OR51A2: variants seen among roughly 807,000 people sequenced by gnomAD.
OR51A2 encodes olfactory receptor family 51 subfamily A member 2.
For synonymous variants in OR51A2, 55 were observed against 139.1 expected (o/e 0.40, Z 4.25); for missense variants, 111 against 365.9 (o/e 0.30, Z 5.68).
rs372608868 is a variant in OR51A2, at chr11:4,954,971, G to A, written c.743C>T (p.Ala248Val). Reference protein sequence around the residue: ...ALNTCVSHICAVIIFYLPIIN... With the variant: ...ALNTCVSHICVVIIFYLPIIN... ...GATGGGCAGGTAGAAGATGATCACTGCACAGATGTGTGAAACACAAGTATT... is the reference window on the plus strand; with the variant it reads ...GATGGGCAGGTAGAAGATGATCACTACACAGATGTGTGAAACACAAGTATT... Residue 248 changes from alanine (A) to valine (V), a missense_variant, in exon 1 of 1, where the codon GCA becomes GTA. Coordinates refer to ENST00000380371, the MANE Select transcript of OR51A2 (RefSeq NM_001004748.1). 2.0e-4 allele frequency: 273 copies of A among 1,350,288 alleles called. 9 individuals carry two copies. Among genetic ancestry groups the A allele is most frequent in the Non-Finnish European group, 2.7e-4 (259 of 975,722 alleles). 83.6% of individuals were successfully genotyped at this position (1,350,288 alleles called of 1,614,324 possible).
In OR51A2 at chr11:4,955,304, A is replaced by G; in HGVS notation, c.410T>C (p.Ile137Thr). The stretch of plus-strand genomic sequence containing the variant: ...TTGGGCAACTCTGACAGTTGTCAGG[A>G]TTGAGGTGTATCTCAGAGGATTGTG... ...AIHNPLRYTSILTTVRVAQIG... is the reference protein window; with the variant it reads ...AIHNPLRYTSTLTTVRVAQIG... The change falls in exon 1 of 1, where the codon ATC (isoleucine) becomes ACC (threonine). Residue 137 changes from isoleucine to threonine, a missense_variant. Physicochemically the swap from Ile to Thr is moderately conservative, Grantham distance 89. Coordinates refer to ENST00000380371, the MANE Select transcript of OR51A2 (RefSeq NM_001004748.1). 1.7e-6 allele frequency: 2 copies of G among 1,186,424 alleles called. 1 individual carries two copies. Among genetic ancestry groups the G allele is most frequent in the Non-Finnish European group, 2.4e-6 (2 of 838,116 alleles). 73.5% of individuals were successfully genotyped at this position (1,186,424 alleles called of 1,614,324 possible).
chr11:4,955,669 G>T lies in OR51A2; in HGVS notation c.45C>A (p.Phe15Leu), dbSNP rs143598087. The stretch of plus-strand genomic sequence containing the variant: ...ATTCTAGCCCTGGCATCCCAACCAA[G>T]AAGAAGGTGGTGATTTCAACATATG... ...NTSYVEITTFFLVGMPGLEYA... is the reference protein window; with the variant it reads ...NTSYVEITTFLLVGMPGLEYA... Residue 15 changes from phenylalanine to leucine, a missense_variant, in exon 1 of 1, where the codon TTC becomes TTA. Coordinates refer to ENST00000380371, the MANE Select transcript of OR51A2 (RefSeq NM_001004748.1). The T allele has an allele frequency of 6.5e-7, 1 of 1,530,962 alleles. No individual in the cohort carries two copies. Among genetic ancestry groups the T allele is most frequent in the Admixed American group, 1.9e-5 (1 of 53,064 alleles). 94.8% of individuals were successfully genotyped at this position (1,530,962 alleles called of 1,614,324 possible).
In OR51A2 at chr11:4,955,503, A is replaced by G. The variant is rs1403048958; in HGVS notation, c.211T>C (p.Ser71Pro). 1 of 1,307,438 alleles carries G rather than the reference A, an allele frequency of 7.6e-7. No individual in the cohort carries two copies. The highest frequency in any genetic ancestry group is 2.0e-5 in the Admixed American group (1 of 49,024). 81.0% of individuals were successfully genotyped at this position (1,307,438 alleles called of 1,614,324 possible). A position where few individuals can be genotyped will look rare whatever the true frequency, so the allele number is the denominator to read the frequency against. ...GATGATAAAGACAAACCCAAGTCTGACATAGCCAACATGGAAAGAAAATAG... is the reference window on the plus strand; with the variant it reads ...GATGATAAAGACAAACCCAAGTCTGGCATAGCCAACATGGAAAGAAAATAG... Reference protein sequence around the residue: ...MYYFLSMLAMSDLGLSLSSLP... With the variant: ...MYYFLSMLAMPDLGLSLSSLP... Residue 71 changes from serine (S) to proline (P), a missense_variant, in exon 1 of 1, where the codon TCA becomes CCA. Transcript: ENST00000380371.
At position 4,955,418 on chromosome 11, in the gene OR51A2, C is replaced by G. The variant is rs778652654; in HGVS notation, c.296G>C (p.Cys99Ser). 60 of 1,178,232 alleles carry G rather than the reference C, an allele frequency of 5.1e-5. 18 individuals are homozygous for G. In the South Asian group the frequency reaches 7.4e-4, roughly 15 times the overall value. The allele number at this position is 1,178,232 out of a possible 1,614,324, so 73.0% of individuals were successfully genotyped here. A position where few individuals can be genotyped will look rare whatever the true frequency, so the allele number is the denominator to read the frequency against. The change falls in exon 1 of 1, where the codon TGC (cysteine) becomes TCC (serine). Residue 99 changes from cysteine to serine, a missense_variant. Coordinates refer to ENST00000380371, the MANE Select transcript of OR51A2 (RefSeq NM_001004748.1). ...ATGAATGAAGAATTCCTGGGCAAAG[C>G]AGGCACTAGAAGAAGTTTCAGGGGC... The part of the protein sequence containing the change: ...FNAPETSSSA[C>S]FAQEFFIHGF...
Position 4,955,559 on chromosome 11 carries a change from T to C in OR51A2, c.155A>G (p.Lys52Arg), listed in dbSNP as rs1313880889. The change falls in exon 1 of 1, where the codon AAG becomes AGG. Residue 52 changes from lysine (K) to arginine (R), a missense_variant. By Grantham distance (26) the Lys-to-Arg change is conservative. Coordinates refer to ENST00000380371, the MANE Select transcript of OR51A2 (RefSeq NM_001004748.1). ...GGGCCCATGCAAGGAGGGCTCTGTCTTGATGATAAAAAGAATGGTGCCATT... is the reference window on the plus strand; with the variant it reads ...GGGCCCATGCAAGGAGGGCTCTGTCCTGATGATAAAAAGAATGGTGCCATT... ...LGNGTILFII[K>R]TEPSLHGPMY... 5 of 1,369,064 alleles carry C rather than the reference T, an allele frequency of 3.7e-6. No homozygotes were observed. The highest frequency in any genetic ancestry group is 2.9e-5 in the African/African-American group (2 of 68,860). The allele number at this position is 1,369,064 out of a possible 1,614,324, so 84.8% of individuals were successfully genotyped here. A position where few individuals can be genotyped will look rare whatever the true frequency, so the allele number is the denominator to read the frequency against.
In OR51A2 at chr11:4,955,092, G is replaced by C. The variant is rs547433825; in HGVS notation, c.622C>G (p.Leu208Val). ...GCAATGAGAATAAAGTCTACCATAA[G>C]GCAGAGTGCTCCAAAAAAGCCATAG... The part of the protein sequence containing the change: ...VIYGFFGALC[L>V]MVDFILIAVS... Residue 208 changes from leucine (L) to valine (V), a missense_variant, in exon 1 of 1, where the codon CTT (leucine) becomes GTT (valine). Leu to Val is a conservative substitution (Grantham distance 32). Coordinates refer to ENST00000380371, the MANE Select transcript of OR51A2 (RefSeq NM_001004748.1). 15 of 1,426,154 alleles carry C rather than the reference G, an allele frequency of 1.1e-5. 2 individuals carry two copies. Among genetic ancestry groups the C allele is most frequent in the Admixed American group, 8.5e-5 (4 of 46,976 alleles). The allele number at this position is 1,426,154 out of a possible 1,614,324, so 88.3% of individuals were successfully genotyped here.
At position 4,955,551 on chromosome 11, in the gene OR51A2, GCT is replaced by G. The variant is rs1335445435; in HGVS notation, c.161_162del (p.Glu54AlafsTer39). On this transcript the variant is annotated frameshift_variant, in exon 1 of 1. Transcript: ENST00000380371. LOFTEE classifies it low-confidence loss of function (END_TRUNC). Reference protein sequence around the residue: ...NGTILFIIKTEPSLHGPMYYF... With the variant: ...NGTILFIIKTXPSLHGPMYYF... ...TAGTACATGGGCCCATGCAAGGAGGGCTCTGTCTTGATGATAAAAAGAATGGT... is the reference window on the plus strand; with the variant it reads ...TAGTACATGGGCCCATGCAAGGAGGGCTGTCTTGATGATAAAAAGAATGGT... 7.4e-7 allele frequency: 1 copy of G among 1,353,048 alleles called. No homozygotes were observed. The highest frequency in any genetic ancestry group is 1.0e-6 in the Non-Finnish European group (1 of 956,642). The allele number at this position is 1,353,048 out of a possible 1,614,324, so 83.8% of individuals were successfully genotyped here. A position where few individuals can be genotyped will look rare whatever the true frequency, so the allele number is the denominator to read the frequency against.
chr11:4,955,551 G>C lies in OR51A2; in HGVS notation c.163C>G (p.Pro55Ala). 1 of 1,353,170 alleles carries C rather than the reference G, an allele frequency of 7.4e-7. No homozygotes were observed. Among genetic ancestry groups the C allele is most frequent in the Middle Eastern group, 2.0e-4 (1 of 5,080 alleles). The allele number at this position is 1,353,170 out of a possible 1,614,324, so 83.8% of individuals were successfully genotyped here. A position where few individuals can be genotyped will look rare whatever the true frequency, so the allele number is the denominator to read the frequency against. The stretch of plus-strand genomic sequence containing the variant: ...TAGTACATGGGCCCATGCAAGGAGG[G>C]CTCTGTCTTGATGATAAAAAGAATG... ...GTILFIIKTEPSLHGPMYYFL... is the reference protein window; with the variant it reads ...GTILFIIKTEASLHGPMYYFL... Residue 55 changes from proline to alanine, a missense_variant, in exon 1 of 1, where the codon CCC becomes GCC. By Grantham distance (27) the Pro-to-Ala change is conservative. Transcript: ENST00000380371.
Sources: gnomAD v4.1 joint callset for allele counts on GRCh38, gnomAD v4.1.1 for gene constraint, MANE v1.5 for transcripts, NCBI Gene and HGNC (gene_info 2026-07-23, HGNC 2026-07-21) for gene names.